The following CCDC150 variants were observed in gnomAD, a reference collection of about 807,000 sequenced individuals.
CCDC150 encodes coiled-coil domain containing 150.
A neutral mutation model predicts 156.5 loss-of-function variants in CCDC150; 151 were observed. That is an observed-to-expected ratio of 0.97 (90% confidence interval 0.85 to 1.10). The LOEUF is 1.10. Among genes scored for constraint, CCDC150 ranks in the 50% least tolerant of loss-of-function variants. The pLI is 0.00. For missense variants in CCDC150, 1,312 were observed against 1,268.1 expected (o/e 1.03, Z -0.53); for synonymous variants, 452 against 429.4 (o/e 1.05, Z -0.65).
intron 2 of CCDC150, among the ~76,000 whole-genome samples, chr2:196,646,753 G>C (rs191889864): frequency 6.6e-6 from 1 of 152,096 alleles, no homozygotes; most frequent in East Asian, 1.9e-4. Context: ...TTGGTATTCT[G>C]TTCACTTGAT....
intron 17 of CCDC150, 36 bp from the exon 18 acceptor site, chr2:196,718,467 T>A: frequency 6.6e-7 from 1 of 1,517,228 alleles, no homozygotes; most frequent in Non-Finnish European, 9.0e-7. Flanking sequence ...ATCACTGATT[T>A]GTAATGTTAT....
At chr2:196,656,009 T>C (rs769988294) in intron 2 of CCDC150, among the ~76,000 whole-genome samples, 45 of 152,144 alleles carry the variant, frequency 3.0e-4, no homozygotes, top group Non-Finnish European at 5.6e-4. Context: ...ACAGAGTACA[T>C]TGGCAACCCC....
At chr2:196,688,925 G>T (rs1390863708) in intron 13 of CCDC150, among the ~76,000 whole-genome samples, 2 of 151,872 alleles carry the variant, frequency 1.3e-5, no homozygotes, top group Non-Finnish European at 2.9e-5. Context: ...TTTTGTATAA[G>T]GTATAAGGAA....
At chr2:196,706,141 G>A (rs1696616852) in intron 15 of CCDC150, among the ~76,000 whole-genome samples, 1 of 151,586 alleles carries the variant, frequency 6.6e-6, no homozygotes, top group African/African-American at 2.4e-5. Flanking sequence ...ATGGCCATAC[G>A]GCATTATGGA....
intron 14 of CCDC150, among the ~76,000 whole-genome samples, chr2:196,696,528 G>A (rs1114164): frequency 0.56 from 84,419 of 152,050 alleles, 28,502 homozygotes; most frequent in East Asian, 0.92. Context: ...TAATGACTTT[G>A]ACAGATCTTG....
intron 5 of CCDC150, among the ~76,000 whole-genome samples, chr2:196,665,110 A>G (rs1311463412): frequency 6.6e-6 from 1 of 152,182 alleles, no homozygotes; most frequent in African/African-American, 2.4e-5. Context: ...AATACAGAAA[A>G]TACACACTAA....
At chr2:196,729,651 TG>T in intron 23 of CCDC150, 141 bp from the exon 24 acceptor site, 3 of 692,054 alleles carry the variant, frequency 4.3e-6, no homozygotes, top group South Asian at 3.9e-5. Context: ...TTGGGATCAG[TG>T]GGCTAGATGG....
At chr2:196,702,929 G>T (rs146294165) in intron 15 of CCDC150, among the ~76,000 whole-genome samples, 1 of 152,214 alleles carries the variant, frequency 6.6e-6, no homozygotes, top group African/African-American at 2.4e-5. Flanking sequence ...ATGGGAGAGT[G>T]GGTGTTTGCA....
chr2:196,719,765 C>CAA (rs368182383), intron 19 of CCDC150, 99 bp downstream of exon 19: 429 of 543,770 alleles, frequency 7.9e-4, no homozygotes, highest in Non-Finnish European at 8.8e-4. Flanking sequence ...GCTTCCTTTA[C>CAA]AAAAAAAAAA....
chr2:196,702,343 CTGTGTGTG>C lies in CCDC150; in HGVS notation c.1695+1190_1695+1197del, dbSNP rs3220631. On this transcript the variant is annotated intron_variant, in intron 15 of 27. Coordinates refer to ENST00000389175, the MANE Select transcript of CCDC150 (RefSeq NM_001080539.2). ...AGGGGATAGTTCCTTGACTGAAGTG[CTGTGTGTG>C]TGTGTGTGTGTGTGTGTGTGTGTGT... is the stretch of plus-strand genomic sequence containing the variant. Among the ~76,000 whole-genome samples, 22 of 143,786 alleles carry C rather than the reference CTGTGTGTG, an allele frequency of 1.5e-4. No homozygotes were observed. The South Asian group carries it at 1.6e-3, about 11-fold the overall frequency. The allele number at this position is 143,786 out of a possible 152,430, so 94.3% of individuals were successfully genotyped here. A position where few individuals can be genotyped will look rare whatever the true frequency, so the allele number is the denominator to read the frequency against.
chr2:196,704,574 A>G (rs894175756), intron 15 of CCDC150, among the ~76,000 whole-genome samples: 1 of 152,128 alleles, frequency 6.6e-6, no homozygotes, highest in Non-Finnish European at 1.5e-5. Flanking sequence ...ATTATACTTT[A>G]AGTTCTAGGG....
chr2:196,712,639 G>C (rs1156600617), intron 16 of CCDC150, 38 bp from the exon 17 acceptor site: 2 of 1,534,496 alleles, frequency 1.3e-6, no homozygotes, highest in East Asian at 2.3e-5. Flanking sequence ...AATTTTGGCA[G>C]TTGTGAGGAA....
intron 26 of CCDC150, 31 bp downstream of exon 26, chr2:196,730,976 G>A: frequency 3.9e-6 from 6 of 1,538,836 alleles, no homozygotes; most frequent in Non-Finnish European, 5.3e-6. Context: ...TAAAGACTTA[G>A]ACGTTTCCTT....
chr2:196,723,969 T>C (rs1030957516), intron 21 of CCDC150, among the ~76,000 whole-genome samples: 2 of 152,188 alleles, frequency 1.3e-5, no homozygotes, highest in Non-Finnish European at 2.9e-5. Context: ...GGACCATGAT[T>C]AAAGATTATG....
chr2:196,675,849 T>C (rs777690139), intron 10 of CCDC150, among the ~76,000 whole-genome samples: 11 of 152,188 alleles, frequency 7.2e-5, no homozygotes, highest in Non-Finnish European at 1.3e-4. Flanking sequence ...AATATAATTT[T>C]CTATATTTAA....
chr2:196,695,080 C>G lies in CCDC150; in HGVS notation c.1544C>G (p.Thr515Ser). 1 of 1,611,272 alleles carries G rather than the reference C, an allele frequency of 6.2e-7. No homozygotes were observed. The highest frequency in any genetic ancestry group is 1.1e-5 in the South Asian group (1 of 90,770). Residue 515 changes from threonine to serine, a missense_variant, in exon 14 of 28, where the codon ACT (threonine) becomes AGT (serine). Coordinates refer to ENST00000389175, the MANE Select transcript of CCDC150 (RefSeq NM_001080539.2). ...AATACATTAACTCATAACCTGCAGA[C>G]TCTTGAAGAAGAGAATAAGCACCTG... ...DINTLTHNLQTLEEENKHLAD... is the reference protein window; with the variant it reads ...DINTLTHNLQSLEEENKHLAD...
At chr2:196,682,345 G>T (rs147748048) in intron 13 of CCDC150, among the ~76,000 whole-genome samples, 87 of 151,928 alleles carry the variant, frequency 5.7e-4, no homozygotes, top group African/African-American at 2.1e-3. Flanking sequence ...ATACCACACA[G>T]TCTTGATTAC....
chr2:196,692,333 A>T (rs1298065744), intron 13 of CCDC150, among the ~76,000 whole-genome samples: 4 of 149,108 alleles, frequency 2.7e-5, no homozygotes, highest in Admixed American at 2.0e-4. Flanking sequence ...ACGGGGTTTC[A>T]CCTTGTTAGC....
intron 13 of CCDC150, among the ~76,000 whole-genome samples, chr2:196,682,201 G>A (rs758557407): frequency 6.6e-6 from 1 of 151,908 alleles, no homozygotes; most frequent in African/African-American, 2.4e-5. Context: ...AGTACTGTTC[G>A]TTGAAAAGAT....
Sources: allele counts gnomAD v4.1 joint callset (sites outside exome capture counted in the v4.1 genomes callset), GRCh38; gene constraint gnomAD v4.1.1; transcripts MANE v1.5; gene names NCBI Gene and HGNC (gene_info 2026-07-23, HGNC 2026-07-21).